The following TFCP2 variants were observed in gnomAD, a reference collection of about 807,000 sequenced individuals.
TFCP2 encodes the protein alpha-globin transcription factor CP2.
A neutral mutation model predicts 73.4 loss-of-function variants in TFCP2; 33 were observed. The ratio of observed to expected loss-of-function variants is 0.45; its 90% CI spans 0.34 to 0.60. TFCP2 has a LOEUF of 0.60. Ranked by LOEUF, TFCP2 falls within the 20% of genes least tolerant of loss-of-function variation. The probability of loss-of-function intolerance (pLI) is 0.01; values close to 1 mark genes in which losing one functional copy is unlikely to be tolerated. For missense variants in TFCP2, 352 were observed against 604.0 expected, an observed-to-expected ratio of 0.58 and a Z score of 4.37; for synonymous variants, 193 against 211.6, an observed-to-expected ratio of 0.91 and a Z score of 0.76.
At chr12:51,148,258 A>G (rs1941341101) in intron 1 of TFCP2, among the ~76,000 whole-genome samples, 1 of 152,238 alleles carries the variant, frequency 6.6e-6, no homozygotes, top group East Asian at 1.9e-4. Context: ...TTTATCTACC[A>G]TTTGATCCAG....
At chr12:51,139,296 A>G (rs945044492) in intron 1 of TFCP2, among the ~76,000 whole-genome samples, 4 of 152,042 alleles carry the variant, frequency 2.6e-5, no homozygotes, top group Non-Finnish European at 5.9e-5. Context: ...ATGGCTCCCA[A>G]AACTCTTCAA....
At position 51,172,430 on chromosome 12, in the gene TFCP2, C is replaced by T; in HGVS notation, c.-8G>A. 6.2e-7 allele frequency: 1 copy of T among 1,614,000 alleles called. No individual in the cohort carries two copies. The highest frequency in any genetic ancestry group is 8.5e-7 in the Non-Finnish European group (1 of 1,179,954). The stretch of plus-strand genomic sequence containing the variant: ...CTTCAGAGCCCAGGCCATCCTGGCT[C>T]CTTCCTTGCCCCAGGAGACACCGTG... On this transcript the variant is annotated 5_prime_UTR_variant, in exon 1 of 15. Transcript: ENST00000257915.
At chr12:51,165,529 C>A (rs888796056) in intron 1 of TFCP2, among the ~76,000 whole-genome samples, 1 of 151,532 alleles carries the variant, frequency 6.6e-6, no homozygotes, top group African/African-American at 2.4e-5. Context: ...TATGATCCCA[C>A]GTATATGAGG....
chr12:51,165,041 A>G (rs1941725487), intron 1 of TFCP2, among the ~76,000 whole-genome samples: 1 of 152,152 alleles, frequency 6.6e-6, no homozygotes, highest in African/African-American at 2.4e-5. Context: ...TCACCCTGAC[A>G]CCAAAGCCAG....
intron 5 of TFCP2, 110 bp downstream of exon 5, chr12:51,110,767 G>T: frequency 1.2e-6 from 1 of 834,112 alleles, no homozygotes. Flanking sequence ...TTGACAGTCA[G>T]GCTAGAACCC....
intron 1 of TFCP2, among the ~76,000 whole-genome samples, chr12:51,146,675 T>C (rs1354245778): frequency 6.6e-6 from 1 of 152,200 alleles, no homozygotes; most frequent in Non-Finnish European, 1.5e-5. Context: ...TCCCTCTGCC[T>C]GGAATATATT....
intron 1 of TFCP2, among the ~76,000 whole-genome samples, chr12:51,168,191 T>G (rs767932892): frequency 3.1e-4 from 47 of 151,776 alleles, no homozygotes; most frequent in Middle Eastern, 3.4e-3. Flanking sequence ...AGCCCAGGAG[T>G]TCCAGAACAG....
intron 1 of TFCP2, among the ~76,000 whole-genome samples, chr12:51,142,701 AAAAG>A (rs1941218655): frequency 6.6e-6 from 1 of 152,176 alleles, no homozygotes; most frequent in Non-Finnish European, 1.5e-5. Context: ...CCATCTTTTA[AAAAG>A]AAAGTCTTCC....
At chr12:51,108,375 G>T (rs1221116046) in intron 6 of TFCP2, among the ~76,000 whole-genome samples, 1 of 152,074 alleles carries the variant, frequency 6.6e-6, no homozygotes, top group East Asian at 1.9e-4. Flanking sequence ...TTGTGGAGGG[G>T]GTCAGTGTAA....
chr12:51,109,223 C>T lies in TFCP2; in HGVS notation c.615G>A (p.Lys205=), dbSNP rs1271275337. 1 of 1,614,184 alleles carries T rather than the reference C, an allele frequency of 6.2e-7. No homozygotes were observed. The highest frequency in any genetic ancestry group is 1.1e-5 in the South Asian group (1 of 91,082). ...CTATTTGTACTCGGAATGGCACCCC[C>T]TTTTCTCCACCATGTTTCCTCATAG... ...EFTMRKHGGE[K]GVPFRVQIDT... Residue 205 remains lysine, a synonymous_variant, in exon 6 of 15, where the codon AAG becomes AAA. Coordinates refer to ENST00000257915, the MANE Select transcript of TFCP2 (RefSeq NM_005653.5).
At chr12:51,107,141 G>A in intron 7 of TFCP2, 95 bp downstream of exon 7, 1 of 1,002,200 alleles carries the variant, frequency 1.0e-6, no homozygotes, top group South Asian at 1.5e-5. Flanking sequence ...GTCCCTCAAG[G>A]CTTAGGAGAA....
intron 1 of TFCP2, among the ~76,000 whole-genome samples, chr12:51,160,665 T>C (rs563334235): frequency 6.6e-6 from 1 of 152,318 alleles, no homozygotes; most frequent in Non-Finnish European, 1.5e-5. Flanking sequence ...GGAGTTAGTA[T>C]CTTCACCAAA....
At chr12:51,168,468 C>A (rs770378630) in intron 1 of TFCP2, among the ~76,000 whole-genome samples, 2 of 151,972 alleles carry the variant, frequency 1.3e-5, no homozygotes, top group South Asian at 4.2e-4. Context: ...ACCCTGTAAA[C>A]TGGTGTTTTG....
intron 1 of TFCP2, among the ~76,000 whole-genome samples, chr12:51,156,475 C>T (rs145841552): frequency 5.9e-5 from 9 of 152,314 alleles, no homozygotes; most frequent in South Asian, 2.1e-4. Flanking sequence ...ACACTTCCCA[C>T]TAGGCCCCAC....
chr12:51,162,607 A>G (rs1941671302), intron 1 of TFCP2, among the ~76,000 whole-genome samples: 1 of 152,178 alleles, frequency 6.6e-6, no homozygotes, highest in Non-Finnish European at 1.5e-5. Context: ...CTCTCTTAGC[A>G]ATGTTCAAGT....
chr12:51,157,686 C>CT (rs538061913), intron 1 of TFCP2, among the ~76,000 whole-genome samples: 15 of 96,088 alleles, frequency 1.6e-4, no homozygotes, highest in African/African-American at 5.5e-4. Context: ...CTTTTCTTTT[C>CT]TTTTTTTTTT....
At chr12:51,102,370 T>C (rs1202323741) in intron 10 of TFCP2, among the ~76,000 whole-genome samples, 1 of 151,712 alleles carries the variant, frequency 6.6e-6, no homozygotes, top group Admixed American at 6.6e-5. Flanking sequence ...TTGAGGCCAA[T>C]CGACTGTTAG....
chr12:51,107,026 T>C (rs1592792341), intron 7 of TFCP2: 2 of 596,762 alleles, frequency 3.4e-6, no homozygotes, highest in East Asian at 3.0e-5. Flanking sequence ...CCAGAGTAAT[T>C]TGGGGAAAGA....
At chr12:51,146,996 T>C (rs934023500) in intron 1 of TFCP2, among the ~76,000 whole-genome samples, 1 of 152,214 alleles carries the variant, frequency 6.6e-6, no homozygotes, top group East Asian at 1.9e-4. Flanking sequence ...TGCTGAATGA[T>C]AGAGTAAAAA....
Sources: gnomAD v4.1 joint callset for allele counts (sites outside exome capture counted in the v4.1 genomes callset) on GRCh38, gnomAD v4.1.1 for gene constraint, MANE v1.5 for transcripts, NCBI Gene and HGNC (gene_info 2026-07-23, HGNC 2026-07-21) for gene names.